ZNF592: variants seen among roughly 807,000 people sequenced by gnomAD.
The protein encoded by ZNF592 is zinc finger protein 592.
A neutral mutation model predicts 80.3 loss-of-function variants in ZNF592; 11 were observed. That is an observed-to-expected ratio of 0.14 (90% CI 0.09 to 0.23). The LOEUF (loss-of-function observed/expected upper bound fraction) is 0.23. ZNF592 is among the 10% of genes least tolerant of loss of function. ZNF592 has a pLI of 1.00. For missense variants in ZNF592, 1,420 were observed against 1,633.9 expected (o/e 0.87, Z 2.26); for synonymous variants, 646 against 640.3 (o/e 1.01, Z -0.13).
At chr15:84,763,862 G>T (rs1025354916) in intron 1 of ZNF592, among the ~76,000 whole-genome samples, 2 of 152,206 alleles carry the variant, frequency 1.3e-5, no homozygotes, top group East Asian at 1.9e-4. Context: ...GTTAACCAGT[G>T]TTTCTCAACG....
At chr15:84,785,961 C>T (rs1014911097) in intron 4 of ZNF592, among the ~76,000 whole-genome samples, 2 of 152,142 alleles carry the variant, frequency 1.3e-5, no homozygotes, top group Non-Finnish European at 2.9e-5. Flanking sequence ...AAGAGGCCTC[C>T]AGAAGGTGGT....
chr15:84,772,933 A>G (rs901360971), intron 2 of ZNF592, among the ~76,000 whole-genome samples: 2 of 152,114 alleles, frequency 1.3e-5, no homozygotes, highest in Non-Finnish European at 2.9e-5. Flanking sequence ...TTATTAATCT[A>G]CTATTACTGA....
At position 84,802,805 on chromosome 15, in the gene ZNF592, C is replaced by A; in HGVS notation, c.*412C>A. The stretch of plus-strand genomic sequence containing the variant: ...AGCTCTATTTTCCTGCAGACACCAG[C>A]TCTCCTTCCTGCCTTTAGATCCTGA... On this transcript the variant is annotated 3_prime_UTR_variant, in exon 11 of 11. Coordinates refer to ENST00000560079, the MANE Select transcript of ZNF592 (RefSeq NM_014630.3). The A allele has an allele frequency of 4.5e-6, 1 of 219,838 alleles. No individual in the cohort carries two copies. Among genetic ancestry groups the A allele is most frequent in the Non-Finnish European group, 9.3e-6 (1 of 107,226 alleles). The allele number at this position is 219,838 out of a possible 1,614,324, so 13.6% of individuals were successfully genotyped here. A position where few individuals can be genotyped will look rare whatever the true frequency, so the allele number is the denominator to read the frequency against.
chr15:84,775,146 A>C (rs925383604), intron 2 of ZNF592, among the ~76,000 whole-genome samples: 1 of 151,522 alleles, frequency 6.6e-6, no homozygotes, highest in African/African-American at 2.4e-5. Flanking sequence ...CCTGGGCTGG[A>C]GTACAGTGGT....
intron 1 of ZNF592, among the ~76,000 whole-genome samples, chr15:84,757,171 G>A (rs1450247453): frequency 1.3e-5 from 2 of 152,044 alleles, no homozygotes; most frequent in African/African-American, 4.8e-5. Context: ...GACCAAGCCA[G>A]TCTCAAACTC....
At chr15:84,801,750 G>A (rs888175290) in intron 10 of ZNF592, 113 bp from the exon 11 acceptor site, 1 of 1,500,254 alleles carries the variant, frequency 6.7e-7, no homozygotes, top group Non-Finnish European at 9.2e-7. Context: ...TTCAGGGCTG[G>A]GGTGACCCTG....
chr15:84,802,399 G>A lies in ZNF592; in HGVS notation c.*6G>A, dbSNP rs775401840. 17 of 1,613,206 alleles carry A rather than the reference G, an allele frequency of 1.1e-5. No individual in the cohort carries two copies. In the South Asian group the frequency reaches 1.9e-4, roughly 18 times the overall value. On this transcript the variant is annotated 3_prime_UTR_variant, in exon 11 of 11. Coordinates refer to ENST00000560079, the MANE Select transcript of ZNF592 (RefSeq NM_014630.3). ...CACTGTCCCCTCAGGTGTGACCGGA[G>A]ACTTTGCAGTGTGCATGGTCAGGGG... is the stretch of plus-strand genomic sequence containing the variant.
chr15:84,761,689 C>A (rs759402278), intron 1 of ZNF592, among the ~76,000 whole-genome samples: 5 of 152,124 alleles, frequency 3.3e-5, no homozygotes, highest in Non-Finnish European at 7.4e-5. Flanking sequence ...GCTGTAATCC[C>A]AGGAGAGGAG....
At chr15:84,797,773 C>A (rs1304571261) in intron 5 of ZNF592, 96 bp from the exon 6 acceptor site, 2 of 1,416,360 alleles carry the variant, frequency 1.4e-6, no homozygotes, top group African/African-American at 2.8e-5. Context: ...CTGGATAGTT[C>A]TGTTCCTCTT....
intron 4 of ZNF592, among the ~76,000 whole-genome samples, chr15:84,789,212 C>T (rs1011473899): frequency 2.7e-5 from 4 of 150,500 alleles, no homozygotes; most frequent in South Asian, 2.1e-4. Flanking sequence ...CATGCCACTG[C>T]GCTCTAGTCT....
chr15:84,781,739 G>A (rs914124680), intron 3 of ZNF592, among the ~76,000 whole-genome samples: 2 of 152,146 alleles, frequency 1.3e-5, no homozygotes, highest in Non-Finnish European at 1.5e-5. Flanking sequence ...CCTCCAGCAG[G>A]TTTGAGCCAG....
chr15:84,799,098 A>T lies in ZNF592; in HGVS notation c.3025A>T (p.Thr1009Ser). The T allele has an allele frequency of 6.2e-7, 1 of 1,614,134 alleles. No individual in the cohort carries two copies. ...TGTGTGTTGCCACCTCCTTCCTTAG[A>T]CATTGAAGCGGTACCCATGCCGGCA... is the stretch of plus-strand genomic sequence containing the variant. ...VSHMKKSHGR[T>S]LKRYPCRQCE... Residue 1009 changes from threonine to serine, a missense_variant and splice_region_variant, in exon 9 of 11, where the codon ACA (threonine) becomes TCA (serine). Thr to Ser is a moderately conservative substitution (Grantham distance 58, BLOSUM62 1). Coordinates refer to ENST00000560079, the MANE Select transcript of ZNF592 (RefSeq NM_014630.3). The surrounding 1 kb of genome is among the most constrained non-coding windows in gnomAD (Gnocchi z 4.2).
chr15:84,753,952 G>T (rs1420267302), intron 1 of ZNF592, among the ~76,000 whole-genome samples: 1 of 152,112 alleles, frequency 6.6e-6, no homozygotes, highest in Non-Finnish European at 1.5e-5. Flanking sequence ...TTGCTCCAAG[G>T]GTGTAGGATG....
At chr15:84,796,913 T>C (rs1962935511) in intron 5 of ZNF592, among the ~76,000 whole-genome samples, 1 of 152,058 alleles carries the variant, frequency 6.6e-6, no homozygotes. Context: ...AATTTTTATT[T>C]TTATTTTTTT....
At chr15:84,751,934 C>A (rs1455085833) in intron 1 of ZNF592, among the ~76,000 whole-genome samples, 4 of 151,302 alleles carry the variant, frequency 2.6e-5, no homozygotes, top group African/African-American at 4.9e-5. Flanking sequence ...ACAACAACAA[C>A]AAAAAAAACT....
chr15:84,787,582 G>A (rs1477138012), intron 4 of ZNF592, among the ~76,000 whole-genome samples: 1 of 152,162 alleles, frequency 6.6e-6, no homozygotes, highest in Admixed American at 6.5e-5. Context: ...CTGGGAGTCT[G>A]CCCCTGAATG....
intron 2 of ZNF592, 132 bp downstream of exon 2, chr15:84,764,947 A>G: frequency 2.5e-6 from 1 of 392,514 alleles, no homozygotes; most frequent in Non-Finnish European, 4.5e-6. Context: ...AACAAAAGTT[A>G]CCATTTTTAA....
Position 84,799,930 on chromosome 15 carries a change from T to G in ZNF592, c.3226T>G (p.Leu1076Val). Residue 1076 changes from leucine (L) to valine (V), a missense_variant, in exon 10 of 11, where the codon TTG becomes GTG. Coordinates refer to ENST00000560079, the MANE Select transcript of ZNF592 (RefSeq NM_014630.3). This position sits in a 1 kb window ranked among gnomAD's most constrained non-coding sequence, Gnocchi z 4.2. Reference protein sequence around the residue: ...SLMHGIRNPDLSQTSKVKPPG... With the variant: ...SLMHGIRNPDVSQTSKVKPPG... ...TATGCATGGCATCAGAAACCCTGATTTGAGCCAGACGTCCAAAGTGAAACC... is the reference window on the plus strand; with the variant it reads ...TATGCATGGCATCAGAAACCCTGATGTGAGCCAGACGTCCAAAGTGAAACC... The G allele has an allele frequency of 6.2e-7, 1 of 1,614,234 alleles. No individual in the cohort carries two copies. The highest frequency in any genetic ancestry group is 8.5e-7 in the Non-Finnish European group (1 of 1,180,020).
At chr15:84,764,905 G>GT (rs201727475) in intron 2 of ZNF592, 90 bp downstream of exon 2, 67,842 of 311,212 alleles carry the variant, frequency 0.22, 3,783 homozygotes, top group Middle Eastern at 0.3. Context: ...GTTTTGTTTT[G>GT]TTTTGTTTTT....
Sources: gnomAD v4.1 joint callset for allele counts (sites outside exome capture counted in the v4.1 genomes callset) on GRCh38, gnomAD v4.1.1 for gene constraint, Gnocchi (gnomAD v3.1) non-coding constraint, MANE v1.5 for transcripts, NCBI Gene and HGNC (gene_info 2026-07-23, HGNC 2026-07-21) for gene names.